The following TRPM4 variants were observed in gnomAD, a reference collection of about 807,000 sequenced individuals.
TRPM4 encodes calcium-activated non-selective cation channel 1.
In TRPM4, 124 loss-of-function variants were observed where a neutral mutation model predicts 135.6. That is an observed-to-expected ratio of 0.91 (90% CI 0.79 to 1.06). TRPM4 has a LOEUF of 1.06. TRPM4 is among the 50% of genes least tolerant of loss of function. The pLI is 0.00. For missense variants in TRPM4, 1,658 were observed against 1,671.4 expected, an observed-to-expected ratio of 0.99 and a Z score of 0.14; for synonymous variants, 745 against 705.6, an observed-to-expected ratio of 1.06 and a Z score of -0.88.
intron 9 of TRPM4, among the ~76,000 whole-genome samples, chr19:49,176,907 T>C (rs1426728748): frequency 1.3e-5 from 2 of 152,054 alleles, no homozygotes; most frequent in African/African-American, 4.8e-5. Context: ...CTGTGTGGTC[T>C]TGAGGAAGCA....
intron 17 of TRPM4, among the ~76,000 whole-genome samples, chr19:49,197,381 TTC>T (rs1968728373): frequency 1.3e-5 from 2 of 150,374 alleles, no homozygotes; most frequent in African/African-American, 2.5e-5. Flanking sequence ...TTTCTTTTCT[TTC>T]TTTCTCTTTT....
rs774425588 is a variant in TRPM4, at chr19:49,188,789, C to T, written c.1873+19C>T. On this transcript the variant is annotated intron_variant, in intron 13 of 24. Coordinates refer to ENST00000252826, the MANE Select transcript of TRPM4 (RefSeq NM_017636.4). The stretch of plus-strand genomic sequence containing the variant: ...GGCGTTGGTGCGTGGGGCACGGTGC[C>T]TGGGAGCAGGGACGGGGGCTGCCGC... 2.5e-6 allele frequency: 4 copies of T among 1,613,642 alleles called. No individual in the cohort carries two copies. The highest frequency in any genetic ancestry group is 3.4e-6 in the Non-Finnish European group (4 of 1,179,828).
Position 49,210,589 on chromosome 19 carries a change from T to A in TRPM4, c.3329-121T>A. On this transcript the variant is annotated intron_variant, in intron 21 of 24. Coordinates refer to ENST00000252826, the MANE Select transcript of TRPM4 (RefSeq NM_017636.4). This position sits in a 1 kb window ranked among gnomAD's most constrained non-coding sequence, Gnocchi z 4.1. ...GTGCTTACGGGTGAGGGGCGGGGCA[T>A]GTTCTCGAATCACCAGGGGCTGGGT... is the stretch of plus-strand genomic sequence containing the variant. 1 of 1,511,114 alleles carries A rather than the reference T, an allele frequency of 6.6e-7. No individual in the cohort carries two copies. The highest frequency in any genetic ancestry group is 2.3e-5 in the East Asian group (1 of 44,018). The allele number at this position is 1,511,114 out of a possible 1,614,324, so 93.6% of individuals were successfully genotyped here. A position where few individuals can be genotyped will look rare whatever the true frequency, so the allele number is the denominator to read the frequency against.
At chr19:49,160,766 A>G (rs1384225418) in intron 2 of TRPM4, among the ~76,000 whole-genome samples, 1 of 151,874 alleles carries the variant, frequency 6.6e-6, no homozygotes, top group Non-Finnish European at 1.5e-5. Context: ...CTGGGAGAGG[A>G]TGAACAGGAG....
rs1482568988 is a variant in TRPM4 at position 49,211,049 on chromosome 19, C to G, written c.3496C>G (p.Arg1166Gly). Residue 1166 changes from arginine (R) to glycine (G), a missense_variant, in exon 23 of 25, where the codon CGC becomes GGC. This residue lies in a region of TRPM4 where 1,412 missense variants were observed against 1,408.7 expected (regional missense o/e 1.00). Transcript: ENST00000252826. The surrounding 1 kb of genome is among the most constrained non-coding windows in gnomAD (Gnocchi z 4.8). Reference protein sequence around the residue: ...DLALKQLGHIREYEQRLKVLE... With the variant: ...DLALKQLGHIGEYEQRLKVLE... ...GGCACTGAAACAGCTGGGACACATCCGCGAGTACGAACAGCGCCTGAAAGT... is the reference window on the plus strand; with the variant it reads ...GGCACTGAAACAGCTGGGACACATCGGCGAGTACGAACAGCGCCTGAAAGT... The G allele has an allele frequency of 3.1e-6, 5 of 1,614,002 alleles. No homozygotes were observed. In the African/African-American group the frequency reaches 4.0e-5, roughly 13 times the overall value.
In TRPM4 at chr19:49,172,082, C is replaced by T. The variant is rs1197042883; in HGVS notation, c.1124C>T (p.Thr375Ile). The change falls in exon 9 of 25, where the codon ACC (threonine) becomes ATC (isoleucine). Residue 375 changes from threonine (T) to isoleucine (I), a missense_variant. Thr to Ile is a moderately conservative substitution (Grantham distance 89). This residue lies in a region of TRPM4 where 1,412 missense variants were observed against 1,408.7 expected (regional missense o/e 1.00). Transcript: ENST00000252826. ...SSEDGSEEFE[T>I]IVLKALVKAC... Reference sequence around the variant, plus strand: ...GAGGATGGGTCTGAGGAATTCGAGACCATAGTTTTGAAGGCCCTTGTGAAG... The same window carrying T: ...GAGGATGGGTCTGAGGAATTCGAGATCATAGTTTTGAAGGCCCTTGTGAAG... 1.2e-6 allele frequency: 2 copies of T among 1,613,882 alleles called. No homozygotes were observed. Among genetic ancestry groups the T allele is most frequent in the Non-Finnish European group, 1.7e-6 (2 of 1,179,850 alleles).
rs1175806 is a variant in TRPM4, at chr19:49,200,144, T to C, written c.2646-156T>C. ...CAGGGCCCTGCATGGACCAGCTTGG[T>C]ACTGAATAAATTTGAGTAAACCCCG... On this transcript the variant is annotated intron_variant, in intron 17 of 24. Transcript: ENST00000252826. 0.3 allele frequency among the ~76,000 whole-genome samples: 45,800 copies of C among 151,986 alleles called. 7,114 individuals carry two copies. Among genetic ancestry groups the C allele is most frequent in the South Asian group, 0.37 (1,794 of 4,822 alleles).
intron 2 of TRPM4, among the ~76,000 whole-genome samples, chr19:49,163,625 G>C (rs1967054524): frequency 6.6e-6 from 1 of 152,094 alleles, no homozygotes; most frequent in African/African-American, 2.4e-5. Context: ...CTGAGTAGCT[G>C]GAACCACAGG....
rs1276107151 is a variant in TRPM4, at chr19:49,196,644, C to G, written c.2415C>G (p.Phe805Leu). Residue 805 changes from phenylalanine (F) to leucine (L), a missense_variant, in exon 17 of 25, where the codon TTC becomes TTG. Physicochemically the swap from Phe to Leu is conservative, Grantham distance 22. Coordinates refer to ENST00000252826, the MANE Select transcript of TRPM4 (RefSeq NM_017636.4). ...LLFSRVLLVD[F>L]QPAPPGSLEL... Reference sequence around the variant, plus strand: ...TCTCGCGGGTGCTGCTCGTGGATTTCCAGCCGGCGCCGCCCGGCTCCCTGG... The same window carrying G: ...TCTCGCGGGTGCTGCTCGTGGATTTGCAGCCGGCGCCGCCCGGCTCCCTGG... 1.3e-6 allele frequency: 2 copies of G among 1,547,786 alleles called. No individual in the cohort carries two copies. Among genetic ancestry groups the G allele is most frequent in the Non-Finnish European group, 1.7e-6 (2 of 1,149,878 alleles).
intron 20 of TRPM4, among the ~76,000 whole-genome samples, chr19:49,205,580 G>C (rs1416945211): frequency 7.3e-6 from 1 of 136,356 alleles, no homozygotes. Context: ...CTGTCACCCA[G>C]GTTGGAGTGC....
intron 2 of TRPM4, chr19:49,158,527 C>G: frequency 2.0e-6 from 1 of 507,480 alleles, no homozygotes; most frequent in African/African-American, 1.9e-5. Flanking sequence ...CTTCTATGTG[C>G]TTCTGTCTCT....
rs935590842 is a variant in TRPM4 at position 49,158,152 on chromosome 19, C to T, written c.25-40C>T. The T allele has an allele frequency of 3.2e-6, 5 of 1,587,096 alleles. No homozygotes were observed. The African/African-American group carries it at 5.4e-5, about 17-fold the overall frequency. ...CCCATAGGACAGAACTGGGTGCCCT[C>T]TCACCCCACTTCCACCCCTACATTT... On this transcript the variant is annotated intron_variant, in intron 1 of 24. Coordinates refer to ENST00000252826, the MANE Select transcript of TRPM4 (RefSeq NM_017636.4).
At chr19:49,189,731 G>A (rs945049821) in intron 14 of TRPM4, among the ~76,000 whole-genome samples, 1 of 152,030 alleles carries the variant, frequency 6.6e-6, no homozygotes, top group Non-Finnish European at 1.5e-5. Context: ...TTTAGTACAG[G>A]AAGTTGTGCC....
At position 49,161,075 on chromosome 19, in the gene TRPM4, C is replaced by T. The variant is rs7245555; in HGVS notation, c.92+2816C>T. On this transcript the variant is annotated intron_variant, in intron 2 of 24. Coordinates refer to ENST00000252826, the MANE Select transcript of TRPM4 (RefSeq NM_017636.4). ...CAATGTGGGAATCTGTGCATATGAG[C>T]GGCCTAGGGGGACCGAGGGGCATGT... 5.6e-3 allele frequency among the ~76,000 whole-genome samples: 853 copies of T among 151,840 alleles called. 6 individuals are homozygous for T. The highest frequency in any genetic ancestry group is 0.019 in the African/African-American group (790 of 41,334).
chr19:49,162,197 A>C (rs1401302713), intron 2 of TRPM4, among the ~76,000 whole-genome samples: 4 of 152,172 alleles, frequency 2.6e-5, no homozygotes, highest in Non-Finnish European at 4.4e-5. Context: ...AAACCTGAAT[A>C]AGGGCCGTTG....
chr19:49,191,549 T>C (rs1301959190), intron 16 of TRPM4, among the ~76,000 whole-genome samples: 1 of 151,890 alleles, frequency 6.6e-6, no homozygotes, highest in Non-Finnish European at 1.5e-5. Flanking sequence ...GGGGTCTCGC[T>C]CTGTCGACCA....
intron 14 of TRPM4, among the ~76,000 whole-genome samples, chr19:49,189,879 G>A (rs1324234610): frequency 6.6e-6 from 1 of 152,056 alleles, no homozygotes; most frequent in African/African-American, 2.4e-5. Context: ...TCTTTGGGCC[G>A]TTTCCTTAAC....
intron 19 of TRPM4, among the ~76,000 whole-genome samples, chr19:49,201,470 A>G (rs1388107016): frequency 6.6e-6 from 1 of 152,238 alleles, no homozygotes; most frequent in Non-Finnish European, 1.5e-5. Flanking sequence ...AACATAAAGT[A>G]CATTGATTTA....
At position 49,188,998 on chromosome 19, in the gene TRPM4, C is replaced by T. The variant is rs1968307749; in HGVS notation, c.1926C>T (p.Leu642=). Residue 642 remains leucine, a synonymous_variant, in exon 14 of 25, where the codon CTC becomes CTT. Coordinates refer to ENST00000252826, the MANE Select transcript of TRPM4 (RefSeq NM_017636.4). The stretch of plus-strand genomic sequence containing the variant: ...GTGAGGTGAGGGCTGCCCGCCTCCT[C>T]CTCCGTCGCTGCCCGCTCTGGGGGG... ...RSSEVRAARL[L]LRRCPLWGDA... is the part of the protein sequence containing the mutation. 1 of 1,614,202 alleles carries T rather than the reference C, an allele frequency of 6.2e-7. No homozygotes were observed. Among genetic ancestry groups the T allele is most frequent in the Non-Finnish European group, 8.5e-7 (1 of 1,180,048 alleles).
Sources: allele counts gnomAD v4.1 joint callset (sites outside exome capture counted in the v4.1 genomes callset), GRCh38; gene constraint gnomAD v4.1.1; regional missense constraint gnomAD v4.1.1; non-coding constraint Gnocchi (gnomAD v3.1); transcripts MANE v1.5; gene names NCBI Gene and HGNC (gene_info 2026-07-23, HGNC 2026-07-21).